Variants in KATNIP observed in about 807,000 individuals in gnomAD.
KATNIP encodes the protein katanin-interacting protein.
KATNIP carries 126 observed loss-of-function variants against 174.0 expected under a neutral mutation model. That is an observed-to-expected ratio of 0.72 (90% confidence interval 0.63 to 0.84). The LOEUF is 0.84. Among genes scored for constraint, KATNIP ranks in the 40% least tolerant of loss-of-function variants. The pLI, the probability that KATNIP is intolerant of heterozygous loss-of-function variation, is 0.00. For missense variants in KATNIP, 1,958 were observed against 2,109.7 expected, an observed-to-expected ratio of 0.93 and a Z score of 1.41; for synonymous variants, 810 against 835.7, an observed-to-expected ratio of 0.97 and a Z score of 0.53.
intron 8 of KATNIP, among the ~76,000 whole-genome samples, chr16:27,689,457 A>G (rs1469110008): frequency 1.3e-5 from 2 of 152,064 alleles, no homozygotes; most frequent in African/African-American, 2.4e-5. Context: ...CACAGATTCT[A>G]CGGAGGCAGT....
rs562957563 is a variant in KATNIP, at chr16:27,680,345, G to A, written c.809-1054G>A. 2.6e-5 allele frequency among the ~76,000 whole-genome samples: 4 copies of A among 152,158 alleles called. No homozygotes were observed. In the South Asian group the frequency reaches 6.2e-4, roughly 24 times the overall value. On this transcript the variant is annotated intron_variant, in intron 7 of 27. Transcript: ENST00000261588. ...AGCATGGCTGCAGGGGAGACGGGGA[G>A]GGAGGGGACAGGGCTCTAAAGAGGT...
At chr16:27,676,387 T>C (rs2078116446) in intron 6 of KATNIP, among the ~76,000 whole-genome samples, 1 of 152,170 alleles carries the variant, frequency 6.6e-6, no homozygotes, top group African/African-American at 2.4e-5. Context: ...CATCGGTCTG[T>C]ATAGGATGAT....
chr16:27,592,801 T>C (rs1233356504), intron 2 of KATNIP, among the ~76,000 whole-genome samples: 1 of 152,196 alleles, frequency 6.6e-6, no homozygotes, highest in Non-Finnish European at 1.5e-5. Flanking sequence ...GTGATCCACC[T>C]GCCTCAACCT....
intron 14 of KATNIP, among the ~76,000 whole-genome samples, chr16:27,735,838 C>G (rs1161689670): frequency 1.3e-5 from 2 of 152,140 alleles, no homozygotes; most frequent in African/African-American, 2.4e-5. Context: ...GATTCTGTCT[C>G]CCAAGAGCAG....
intron 4 of KATNIP, among the ~76,000 whole-genome samples, chr16:27,630,795 A>G (rs2076464322): frequency 6.6e-6 from 1 of 152,204 alleles, no homozygotes; most frequent in South Asian, 2.1e-4. Context: ...TTCTCTGTAT[A>G]TACAGACCTG....
At chr16:27,641,433 TG>T (rs917482550) in intron 5 of KATNIP, among the ~76,000 whole-genome samples, 1 of 151,910 alleles carries the variant, frequency 6.6e-6, no homozygotes, top group African/African-American at 2.4e-5. Flanking sequence ...ACCCAATCAC[TG>T]GGGGGACAGG....
At chr16:27,767,171 G>T (rs987553803) in intron 20 of KATNIP, among the ~76,000 whole-genome samples, 5 of 146,968 alleles carry the variant, frequency 3.4e-5, no homozygotes, top group African/African-American at 1.4e-4. Flanking sequence ...ATTCAGCTAG[G>T]GCCCTACTAT....
At chr16:27,583,297 A>G (rs1204203505) in intron 2 of KATNIP, among the ~76,000 whole-genome samples, 1 of 152,184 alleles carries the variant, frequency 6.6e-6, no homozygotes, top group Non-Finnish European at 1.5e-5. Context: ...TTTTGGATAA[A>G]CAATGTGCCC....
At chr16:27,757,533 G>A in intron 18 of KATNIP, 1 of 985,324 alleles carries the variant, frequency 1.0e-6, no homozygotes, top group Non-Finnish European at 1.2e-6. Context: ...CCCAGCTCCT[G>A]ACCTTTCACA....
chr16:27,592,426 A>C (rs2075205325), intron 2 of KATNIP, among the ~76,000 whole-genome samples: 1 of 151,330 alleles, frequency 6.6e-6, no homozygotes, highest in Admixed American at 6.6e-5. Flanking sequence ...TGGGATTATA[A>C]GCATGCATGG....
chr16:27,633,049 C>T (rs772964257), intron 5 of KATNIP, among the ~76,000 whole-genome samples: 1 of 151,988 alleles, frequency 6.6e-6, no homozygotes, highest in African/African-American at 2.4e-5. Context: ...CGCGCCCGGC[C>T]GAAAAGGGCT....
In KATNIP at chr16:27,776,458, G is replaced by T. The variant is rs1001877708; in HGVS notation, c.4450-470G>T. Among the ~76,000 whole-genome samples, 2 of 152,074 alleles carry T rather than the reference G, an allele frequency of 1.3e-5. No homozygotes were observed. The highest frequency in any genetic ancestry group is 2.9e-5 in the Non-Finnish European group (2 of 68,016). On this transcript the variant is annotated intron_variant, in intron 24 of 27. Transcript: ENST00000261588. This position sits in a 1 kb window ranked among gnomAD's most constrained non-coding sequence, Gnocchi z 4.7. ...TCCCCCAGCGGAGGTTCACAGACAC[G>T]CCCTGGACATTGTCCAGCAGCACCT...
chr16:27,774,816 A>G (rs935933356), intron 23 of KATNIP, 129 bp from the exon 24 acceptor site: 8 of 1,062,486 alleles, frequency 7.5e-6, no homozygotes, highest in Non-Finnish European at 1.1e-5. Flanking sequence ...TTCAGCTGTC[A>G]CTGCTGCGGC....
chr16:27,713,660 T>TACAC lies in KATNIP; in HGVS notation c.1605+4742_1605+4745dup, dbSNP rs1567335667. On this transcript the variant is annotated intron_variant, in intron 13 of 27. Transcript: ENST00000261588. ...TTATATTTATGTGTGTGTATATATA[T>TACAC]ACACATACATATTATATATATGTGT... 4.8e-4 allele frequency among the ~76,000 whole-genome samples: 71 copies of TACAC among 149,066 alleles called. 13 individuals carry two copies. The highest frequency in any genetic ancestry group is 6.0e-4 in the Admixed American group (9 of 14,940).
intron 10 of KATNIP, among the ~76,000 whole-genome samples, chr16:27,701,035 G>A (rs1029349110): frequency 5.3e-5 from 8 of 152,164 alleles, no homozygotes; most frequent in African/African-American, 1.9e-4. Flanking sequence ...TGAAAAAGAA[G>A]GGGAAAAGGC....
At chr16:27,670,585 A>G (rs961649982) in intron 6 of KATNIP, among the ~76,000 whole-genome samples, 1 of 152,196 alleles carries the variant, frequency 6.6e-6, no homozygotes, top group East Asian at 1.9e-4. Context: ...CGAGTTAGAC[A>G]GATGCTCCTC....
chr16:27,769,977 G>A lies in KATNIP; in HGVS notation c.4092G>A (p.Val1364=). The A allele has an allele frequency of 1.2e-6, 2 of 1,614,202 alleles. No homozygotes were observed. Among genetic ancestry groups the A allele is most frequent in the Non-Finnish European group, 1.7e-6 (2 of 1,180,034 alleles). Reference sequence around the variant, plus strand: ...ATTTTGCTCAAGAAATCCTCTTCGTGGACTACCTACGGGCTCAGCTGCTGC... The same window carrying A: ...ATTTTGCTCAAGAAATCCTCTTCGTAGACTACCTACGGGCTCAGCTGCTGC... The part of the protein sequence containing the change: ...HFDFAQEILF[V]DYLRAQLLPQ... Residue 1364 remains valine, a synonymous_variant, in exon 21 of 28, where the codon GTG becomes GTA. Coordinates refer to ENST00000261588, the MANE Select transcript of KATNIP (RefSeq NM_015202.5).
intron 1 of KATNIP, among the ~76,000 whole-genome samples, chr16:27,568,188 A>G (rs1567443704): frequency 2.0e-5 from 3 of 152,138 alleles, no homozygotes; most frequent in Admixed American, 2.0e-4. Context: ...AAGGATATAT[A>G]AGGAGTAGAA....
At chr16:27,620,877 A>G (rs941025560) in intron 3 of KATNIP, among the ~76,000 whole-genome samples, 1 of 152,268 alleles carries the variant, frequency 6.6e-6, no homozygotes, top group Admixed American at 6.5e-5. Context: ...TGGCATTGCC[A>G]TTAATGCAAA....
Sources: gnomAD v4.1 joint callset for allele counts (sites outside exome capture counted in the v4.1 genomes callset) on GRCh38, gnomAD v4.1.1 for gene constraint, Gnocchi (gnomAD v3.1) non-coding constraint, MANE v1.5 for transcripts, NCBI Gene and HGNC (gene_info 2026-07-23, HGNC 2026-07-21) for gene names.